The following MAPKAPK3 variants were observed in gnomAD, a reference collection of about 807,000 sequenced individuals.
The protein encoded by MAPKAPK3 is MAP kinase-activated protein kinase 3.
MAPKAPK3 carries 35 observed loss-of-function variants against 49.2 expected under a neutral mutation model. That is an observed-to-expected ratio of 0.71 (90% confidence interval 0.54 to 0.94). MAPKAPK3 has a LOEUF of 0.94. Among genes scored for constraint, MAPKAPK3 ranks in the 40% least tolerant of loss-of-function variants. The pLI, the probability that MAPKAPK3 is intolerant of heterozygous loss-of-function variation, is 0.00. For synonymous variants in MAPKAPK3, 178 were observed against 188.7 expected (o/e 0.94, Z 0.46); for missense variants, 398 against 493.1 (o/e 0.81, Z 1.83).
At chr3:50,617,115 GGA>G (rs539021250), upstream of MAPKAPK3, 27,060 of 86,500 alleles carry the variant, frequency 0.31, 5,234 homozygotes, top group Non-Finnish European at 0.39. Flanking sequence ...GGGGGGGTGG[GGA>G]GGGGGGGGAG....
upstream of MAPKAPK3, among the ~76,000 whole-genome samples, chr3:50,616,224 G>T (rs75210160): frequency 6.6e-4 from 100 of 152,200 alleles, no homozygotes; most frequent in African/African-American, 2.4e-3. Context: ...TGTGATGTGC[G>T]CAAGTAGTTC....
intron 2 of MAPKAPK3, among the ~76,000 whole-genome samples, chr3:50,630,215 A>G (rs1294205319): frequency 6.6e-6 from 1 of 152,244 alleles, no homozygotes; most frequent in Non-Finnish European, 1.5e-5. Context: ...TCCCAGGTGT[A>G]GATGTCATCA....
chr3:50,647,173 G>A lies in MAPKAPK3; in HGVS notation c.966G>A (p.Gln322=). ...CACTCCACACGGCCCGAGTGCTGCA[G>A]GAGGACAAAGACCACTGGGACGAAG... is the stretch of plus-strand genomic sequence containing the variant. ...QTPLHTARVL[Q]EDKDHWDEVK... Residue 322 remains glutamine (Q), a synonymous_variant, in exon 10 of 11, where the codon CAG becomes CAA. Transcript: ENST00000621469. The A allele has an allele frequency of 6.3e-7, 1 of 1,596,958 alleles. No homozygotes were observed. Among genetic ancestry groups the A allele is most frequent in the Non-Finnish European group, 8.5e-7 (1 of 1,171,686 alleles).
intron 6 of MAPKAPK3, among the ~76,000 whole-genome samples, chr3:50,644,839 A>T (rs1185376289): frequency 6.6e-6 from 1 of 151,982 alleles, no homozygotes; most frequent in Non-Finnish European, 1.5e-5. Flanking sequence ...ACGGAGCCCA[A>T]CCGCGGTTGT....
chr3:50,617,507 C>T lies in MAPKAPK3; in HGVS notation c.-52-7C>T. On this transcript the variant is annotated splice_region_variant and splice_polypyrimidine_tract_variant and intron_variant, in intron 1 of 10. Transcript: ENST00000621469. ...TGGGCGGGACTCACTCTTCCCCTTT[C>T]CCCCAGGTGCCACTAGAAGCGCCAG... 2 of 813,802 alleles carry T rather than the reference C, an allele frequency of 2.5e-6. No individual in the cohort carries two copies. The highest frequency in any genetic ancestry group is 2.3e-5 in the Admixed American group (1 of 44,132). 50.4% of individuals were successfully genotyped at this position (813,802 alleles called of 1,614,324 possible).
chr3:50,611,753 G>C (rs1044109479), upstream of MAPKAPK3: 2 of 1,376,486 alleles, frequency 1.5e-6, no homozygotes, highest in Admixed American at 3.8e-5. Context: ...CTCCCGGGGC[G>C]CGCGGGCGCA....
At chr3:50,642,481 C>T in intron 5 of MAPKAPK3, 149 bp downstream of exon 5, 1 of 638,146 alleles carries the variant, frequency 1.6e-6, no homozygotes, top group Non-Finnish European at 2.8e-6. Context: ...CTGCTTTTCT[C>T]AGCCTCTTCT....
intron 2 of MAPKAPK3, among the ~76,000 whole-genome samples, chr3:50,628,941 G>A (rs1204096711): frequency 2.0e-5 from 3 of 152,176 alleles, no homozygotes; most frequent in Non-Finnish European, 4.4e-5. Context: ...GGGGTGTAAA[G>A]GTGTCTGCCA....
At chr3:50,646,646 G>C in intron 8 of MAPKAPK3, 94 bp from the exon 9 acceptor site, 1 of 1,119,584 alleles carries the variant, frequency 8.9e-7, no homozygotes, top group Non-Finnish European at 1.3e-6. Flanking sequence ...AGCACATGCA[G>C]CCCCTGCCCC....
At chr3:50,630,874 T>C (rs760222446) in intron 2 of MAPKAPK3, among the ~76,000 whole-genome samples, 19 of 152,232 alleles carry the variant, frequency 1.2e-4, no homozygotes, top group Non-Finnish European at 2.5e-4. Flanking sequence ...TGTTGGGTTA[T>C]GGTGACCACT....
chr3:50,617,841 G>C (rs2032511847), intron 2 of MAPKAPK3, 57 bp downstream of exon 2: 4 of 1,397,276 alleles, frequency 2.9e-6, no homozygotes, highest in Non-Finnish European at 4.0e-6. Flanking sequence ...GCGGAAGCCT[G>C]TGAGTGAAGC....
At chr3:50,614,276 T>A (rs145168281), upstream of MAPKAPK3, among the ~76,000 whole-genome samples, 135 of 152,200 alleles carry the variant, frequency 8.9e-4, no homozygotes, top group Non-Finnish European at 1.7e-3. Context: ...CGGTGCCCCC[T>A]CTCATGCCCT....
At chr3:50,622,293 A>G (rs939217382) in intron 2 of MAPKAPK3, among the ~76,000 whole-genome samples, 6 of 152,158 alleles carry the variant, frequency 3.9e-5, no homozygotes, top group Non-Finnish European at 8.8e-5. Flanking sequence ...CTGAGCCTCT[A>G]ACTGTGGCAT....
chr3:50,617,401 C>T lies in MAPKAPK3; in HGVS notation c.-52-113C>T, dbSNP rs545277836. ...TGCACGTCTGTACTCTCAGGCCGTT[C>T]GTCCCGCACTCCCAGCTTGCCCCGG... On this transcript the variant is annotated intron_variant, in intron 1 of 10. Transcript: ENST00000621469. The T allele has an allele frequency of 4.6e-5, 27 of 581,308 alleles. No individual in the cohort carries two copies. The South Asian group carries it at 5.7e-4, about 12-fold the overall frequency. 36.0% of individuals were successfully genotyped at this position (581,308 alleles called of 1,614,324 possible).
At chr3:50,632,042 A>C (rs1395338827) in intron 2 of MAPKAPK3, among the ~76,000 whole-genome samples, 1 of 152,248 alleles carries the variant, frequency 6.6e-6, no homozygotes, top group Non-Finnish European at 1.5e-5. Flanking sequence ...ATGTTACCTC[A>C]GCACTCCTGG....
rs759649476 is a variant in MAPKAPK3, at chr3:50,645,672, T to C, written c.629-38T>C. The C allele has an allele frequency of 3.2e-6, 5 of 1,563,064 alleles. No homozygotes were observed. The African/African-American group carries it at 4.1e-5, about 13-fold the overall frequency. ...GGCTCCTGCCTGGGCTCCAAGACCC[T>C]TGGGTCTGAGAGCCCTGCTGTCCCT... On this transcript the variant is annotated intron_variant, in intron 6 of 10. Transcript: ENST00000621469.
At chr3:50,619,719 G>A (rs913051730) in intron 2 of MAPKAPK3, among the ~76,000 whole-genome samples, 3 of 152,138 alleles carry the variant, frequency 2.0e-5, no homozygotes, top group Non-Finnish European at 2.9e-5. Context: ...AGTCAGGGAT[G>A]GGGTGGGAGA....
At chr3:50,634,770 C>T (rs574175564) in intron 2 of MAPKAPK3, among the ~76,000 whole-genome samples, 3 of 152,312 alleles carry the variant, frequency 2.0e-5, no homozygotes, top group South Asian at 2.1e-4. Flanking sequence ...GGATTACAGG[C>T]GTAAGCCACC....
At chr3:50,644,563 T>C (rs367698019) in intron 6 of MAPKAPK3, 31 bp downstream of exon 6, 5 of 1,612,174 alleles carry the variant, frequency 3.1e-6, no homozygotes, top group African/African-American at 1.3e-5. Flanking sequence ...TTGTAACTCC[T>C]CACCCCAACT....
Sources: allele counts gnomAD v4.1 joint callset (sites outside exome capture counted in the v4.1 genomes callset), GRCh38; gene constraint gnomAD v4.1.1; transcripts MANE v1.5; gene names NCBI Gene and HGNC (gene_info 2026-07-23, HGNC 2026-07-21).